HTR1E: variants seen among roughly 807,000 people sequenced by gnomAD.
HTR1E encodes 5-HT-1E.
A neutral mutation model predicts 3.4 loss-of-function variants in HTR1E; 3 were observed. The ratio of observed to expected loss-of-function variants is 0.89; its 90% CI spans 0.41 to 2.31. The LOEUF (loss-of-function observed/expected upper bound fraction) is 2.31. Among genes scored for constraint, HTR1E ranks in the 30% most tolerant of loss-of-function variants. The pLI, the probability that HTR1E is intolerant of heterozygous loss-of-function variation, is 0.05. For missense variants in HTR1E, 392 were observed against 467.0 expected (o/e 0.84, Z 1.48); for synonymous variants, 170 against 182.8 (o/e 0.93, Z 0.56).
At chr6:86,984,590 A>G (rs1176486072) in intron 1 of HTR1E, among the ~76,000 whole-genome samples, 25 of 152,224 alleles carry the variant, frequency 1.6e-4, no homozygotes, top group Admixed American at 1.5e-3. Context: ...ACTGTAACAA[A>G]TAAACCCTGA....
Position 87,016,155 on chromosome 6 carries a change from A to T in HTR1E, c.821A>T (p.His274Leu), listed in dbSNP as rs750337347. Residue 274 changes from histidine (H) to leucine (L), a missense_variant, in exon 2 of 2, where the codon CAC (histidine) becomes CTC (leucine). His to Leu is a moderately conservative substitution (Grantham distance 99). This residue lies in a region of HTR1E where 178 missense variants were observed against 164.9 expected (regional missense o/e 1.08). Coordinates refer to ENST00000305344, the MANE Select transcript of HTR1E (RefSeq NM_000865.3). The part of the protein sequence containing the change: ...RIPPFDNDLD[H>L]PGERQQISST... Reference sequence around the variant, plus strand: ...CCCCCCTTCGACAATGATCTAGATCACCCAGGAGAACGTCAGCAGATCTCT... The same window carrying T: ...CCCCCCTTCGACAATGATCTAGATCTCCCAGGAGAACGTCAGCAGATCTCT... 1.5e-5 allele frequency: 24 copies of T among 1,614,032 alleles called. No individual in the cohort carries two copies. In the South Asian group the frequency reaches 2.2e-4, roughly 15 times the overall value.
At position 87,015,708 on chromosome 6, in the gene HTR1E, C is replaced by A. The variant is rs1768311687; in HGVS notation, c.374C>A (p.Thr125Asn). 6.2e-7 allele frequency: 1 copy of A among 1,613,326 alleles called. No individual in the cohort carries two copies. The highest frequency in any genetic ancestry group is 1.3e-5 in the African/African-American group (1 of 74,908). The stretch of plus-strand genomic sequence containing the variant: ...GCCCTGGACAGGTACTGGGCCATCA[C>A]CAATGCTATTGAATACGCCAGGAAG... ...VIALDRYWAITNAIEYARKRT... is the reference protein window; with the variant it reads ...VIALDRYWAINNAIEYARKRT... Residue 125 changes from threonine (T) to asparagine (N), a missense_variant, in exon 2 of 2, where the codon ACC (threonine) becomes AAC (asparagine). Coordinates refer to ENST00000305344, the MANE Select transcript of HTR1E (RefSeq NM_000865.3).
intron 1 of HTR1E, among the ~76,000 whole-genome samples, chr6:86,962,906 C>T (rs1056214142): frequency 2.0e-5 from 3 of 152,034 alleles, no homozygotes; most frequent in South Asian, 2.1e-4. Flanking sequence ...GTACATAATA[C>T]GTGATCTCTG....
chr6:86,960,983 C>T (rs1037301798), intron 1 of HTR1E, among the ~76,000 whole-genome samples: 19 of 152,180 alleles, frequency 1.2e-4, no homozygotes, highest in Non-Finnish European at 2.2e-4. Flanking sequence ...TTCTGAATTG[C>T]TTTACACATA....
intron 1 of HTR1E, among the ~76,000 whole-genome samples, chr6:86,938,900 C>G (rs1171881342): frequency 6.6e-6 from 1 of 152,170 alleles, no homozygotes; most frequent in African/African-American, 2.4e-5. Flanking sequence ...CATAGTTGTA[C>G]ATTCAGACAC....
At chr6:86,939,475 A>G (rs1768516649) in intron 1 of HTR1E, among the ~76,000 whole-genome samples, 1 of 152,230 alleles carries the variant, frequency 6.6e-6, no homozygotes, top group African/African-American at 2.4e-5. Context: ...CATGGGCTGC[A>G]GAAGCTCCAA....
At chr6:86,992,440 T>G (rs771936431) in intron 1 of HTR1E, among the ~76,000 whole-genome samples, 3 of 152,188 alleles carry the variant, frequency 2.0e-5, no homozygotes, top group Non-Finnish European at 2.9e-5. Context: ...TATGAATGTT[T>G]ACCAAAGAAC....
chr6:86,949,850 C>G (rs997400819), intron 1 of HTR1E, among the ~76,000 whole-genome samples: 2 of 151,552 alleles, frequency 1.3e-5, no homozygotes, highest in African/African-American at 4.9e-5. Flanking sequence ...TTTAATATAC[C>G]TTCCTATTAA....
intron 1 of HTR1E, among the ~76,000 whole-genome samples, chr6:87,011,802 T>C (rs1243159739): frequency 2.0e-5 from 3 of 151,860 alleles, no homozygotes; most frequent in Non-Finnish European, 4.4e-5. Flanking sequence ...GATTTATTAA[T>C]AAAAGATTTG....
At chr6:86,981,863 A>C (rs1767716403) in intron 1 of HTR1E, among the ~76,000 whole-genome samples, 1 of 152,100 alleles carries the variant, frequency 6.6e-6, no homozygotes, top group South Asian at 2.1e-4. Context: ...TGATGCCTCT[A>C]TCCTTGTTAC....
rs764631845 is a variant in HTR1E at position 87,015,772 on chromosome 6, C to A, written c.438C>A (p.Val146=). ...AKRAALMILT[V]WTISIFISMP... Reference sequence around the variant, plus strand: ...GGGCCGCGCTGATGATCCTTACCGTCTGGACCATCTCCATTTTCATCTCCA... The same window carrying A: ...GGGCCGCGCTGATGATCCTTACCGTATGGACCATCTCCATTTTCATCTCCA... Residue 146 remains valine (V), a synonymous_variant, in exon 2 of 2, where the codon GTC becomes GTA. Coordinates refer to ENST00000305344, the MANE Select transcript of HTR1E (RefSeq NM_000865.3). 3.1e-6 allele frequency: 5 copies of A among 1,610,544 alleles called. No homozygotes were observed. The South Asian group carries it at 3.3e-5, about 11-fold the overall frequency.
chr6:86,939,494 A>G (rs1250058417), intron 1 of HTR1E, among the ~76,000 whole-genome samples: 1 of 152,194 alleles, frequency 6.6e-6, no homozygotes, highest in Non-Finnish European at 1.5e-5. Flanking sequence ...AAGGATTGCT[A>G]TAGATCTCAA....
At chr6:86,989,116 C>A (rs528200033) in intron 1 of HTR1E, among the ~76,000 whole-genome samples, 2 of 152,224 alleles carry the variant, frequency 1.3e-5, no homozygotes, top group South Asian at 4.1e-4. Flanking sequence ...TGCACATACC[C>A]CTTACCCAAG....
intron 1 of HTR1E, among the ~76,000 whole-genome samples, chr6:87,003,710 C>T (rs1294261457): frequency 6.6e-6 from 1 of 151,466 alleles, no homozygotes; most frequent in Non-Finnish European, 1.5e-5. Context: ...TCTTATACAA[C>T]TAGAAAAGCA....
chr6:86,941,612 T>A (rs1768547098), intron 1 of HTR1E, among the ~76,000 whole-genome samples: 1 of 152,228 alleles, frequency 6.6e-6, no homozygotes, highest in East Asian at 1.9e-4. Context: ...TCCTTCTGCA[T>A]CTGGATCATT....
intron 1 of HTR1E, among the ~76,000 whole-genome samples, chr6:86,985,134 C>T (rs1164910277): frequency 6.6e-6 from 1 of 152,160 alleles, no homozygotes; most frequent in Non-Finnish European, 1.5e-5. Context: ...CCGGCTGGCA[C>T]TTGCTGGGCC....
intron 1 of HTR1E, among the ~76,000 whole-genome samples, chr6:86,940,958 A>C (rs1768536751): frequency 6.6e-6 from 1 of 152,244 alleles, no homozygotes; most frequent in South Asian, 2.1e-4. Flanking sequence ...TACATGTGAA[A>C]TTATATGAAC....
chr6:86,941,229 T>G (rs1390268964), intron 1 of HTR1E, among the ~76,000 whole-genome samples: 6 of 152,212 alleles, frequency 3.9e-5, no homozygotes, highest in Admixed American at 3.9e-4. Flanking sequence ...GTTCCCACAT[T>G]TTGTGGATTA....
intron 1 of HTR1E, among the ~76,000 whole-genome samples, chr6:86,983,803 C>G (rs1562067271): frequency 6.6e-6 from 1 of 152,010 alleles, no homozygotes; most frequent in Non-Finnish European, 1.5e-5. Flanking sequence ...TTATTCAGAT[C>G]TTTTTTTCTA....
Sources: allele counts gnomAD v4.1 joint callset (sites outside exome capture counted in the v4.1 genomes callset), GRCh38; gene constraint gnomAD v4.1.1; regional missense constraint gnomAD v4.1.1; transcripts MANE v1.5; gene names NCBI Gene and HGNC (gene_info 2026-07-23, HGNC 2026-07-21).